Variants in TSHZ2 observed in about 807,000 individuals in gnomAD.
TSHZ2 encodes the protein teashirt zinc finger homeobox 2.
TSHZ2 carries 21 observed loss-of-function variants against 74.4 expected under a neutral mutation model. That is an observed-to-expected ratio of 0.28 (90% CI 0.20 to 0.41). TSHZ2 has a LOEUF of 0.41. Ranked by LOEUF, TSHZ2 falls within the 10% of genes least tolerant of loss-of-function variation. The pLI, the probability that TSHZ2 is intolerant of heterozygous loss-of-function variation, is 1.00. For synonymous variants in TSHZ2, 540 were observed against 515.3 expected (o/e 1.05, Z -0.65); for missense variants, 1,244 against 1,293.5 (o/e 0.96, Z 0.59).
intron 1 of TSHZ2, among the ~76,000 whole-genome samples, chr20:53,108,642 G>A (rs960637086): frequency 6.6e-6 from 1 of 152,170 alleles, no homozygotes; most frequent in Non-Finnish European, 1.5e-5. Flanking sequence ...AGGATTGGAT[G>A]CATATTTGAG....
Position 53,342,955 on chromosome 20 carries a change from C to CTTTTTTTTTTTTTTTTT in TSHZ2, c.*8+86397_*8+86413dup. 9.6e-4 allele frequency among the ~76,000 whole-genome samples: 59 copies of CTTTTTTTTTTTTTTTTT among 61,238 alleles called. 8 individuals carry two copies. The highest frequency in any genetic ancestry group is 1.1e-3 in the Non-Finnish European group (37 of 33,420). The allele number at this position is 61,238 out of a possible 152,430, so 40.2% of individuals were successfully genotyped here. A position where few individuals can be genotyped will look rare whatever the true frequency, so the allele number is the denominator to read the frequency against. On this transcript the variant is annotated intron_variant, in intron 2 of 2. Transcript: ENST00000371497. ...TATTTCTTTTCTTTTCTTTTCTTTT[C>CTTTTTTTTTTTTTTTTT]TTTTTTTTTTTTTTTTTTTTTTTTT...
At chr20:53,300,523 T>C (rs966040997) in intron 2 of TSHZ2, among the ~76,000 whole-genome samples, 1 of 152,254 alleles carries the variant, frequency 6.6e-6, no homozygotes, top group Non-Finnish European at 1.5e-5. Context: ...CTCCTTCTTC[T>C]CTCTCCTGTT....
Position 53,197,313 on chromosome 20 carries a change from T to A in TSHZ2, c.41-56186T>A, listed in dbSNP as rs116277144. On this transcript the variant is annotated intron_variant, in intron 1 of 2. Transcript: ENST00000371497. ...AGCAATGGAATTATGATCTTTTAATTTTTAAAAAAATTTTGATTCTCAACG... is the reference window on the plus strand; with the variant it reads ...AGCAATGGAATTATGATCTTTTAATATTTAAAAAAATTTTGATTCTCAACG... Among the ~76,000 whole-genome samples, 1,260 of 152,338 alleles carry A rather than the reference T, an allele frequency of 8.3e-3. 18 individuals are homozygous for A. Among genetic ancestry groups the A allele is most frequent in the African/African-American group, 0.029 (1,209 of 41,568 alleles).
intron 1 of TSHZ2, among the ~76,000 whole-genome samples, chr20:53,050,146 T>TATATACACATATATATGTAC (rs1568736379): frequency 5.2e-5 from 5 of 96,940 alleles, no homozygotes; most frequent in African/African-American, 1.6e-4. Flanking sequence ...TATGTGTATA[T>TATATACACATATATATGTAC]ATATATACAC....
chr20:53,135,693 T>G (rs1481082177), intron 1 of TSHZ2, among the ~76,000 whole-genome samples: 1 of 152,166 alleles, frequency 6.6e-6, no homozygotes, highest in Non-Finnish European at 1.5e-5. Context: ...CTTGACCTCC[T>G]GGGCTCAAGG....
intron 1 of TSHZ2, among the ~76,000 whole-genome samples, chr20:53,227,781 T>A (rs959363483): frequency 6.6e-6 from 1 of 152,198 alleles, no homozygotes; most frequent in African/African-American, 2.4e-5. Flanking sequence ...CTGATGTTAG[T>A]TGAACTTGAA....
chr20:53,373,799 T>G (rs1436837778), intron 2 of TSHZ2, among the ~76,000 whole-genome samples: 2 of 152,130 alleles, frequency 1.3e-5, no homozygotes, highest in East Asian at 3.8e-4. Context: ...AGGATCTGAG[T>G]GGGCTTCAGA....
chr20:53,024,702 T>C (rs2123043224), intron 1 of TSHZ2, among the ~76,000 whole-genome samples: 1 of 152,236 alleles, frequency 6.6e-6, no homozygotes, highest in South Asian at 2.1e-4. Flanking sequence ...TGTGTCCATG[T>C]GTTCTCATTG....
At chr20:53,274,619 G>C (rs904526062) in intron 2 of TSHZ2, among the ~76,000 whole-genome samples, 14 of 152,268 alleles carry the variant, frequency 9.2e-5, no homozygotes, top group African/African-American at 3.1e-4. Flanking sequence ...TCAGATGACA[G>C]TAAATTTGCA....
chr20:53,358,460 C>G (rs552463401), intron 2 of TSHZ2, among the ~76,000 whole-genome samples: 1 of 151,302 alleles, frequency 6.6e-6, no homozygotes, highest in Non-Finnish European at 1.5e-5. Context: ...CGTGCCTCAG[C>G]CTCCCCAGTA....
intron 1 of TSHZ2, among the ~76,000 whole-genome samples, chr20:53,111,469 C>T (rs544148674): frequency 1.3e-5 from 2 of 152,242 alleles, no homozygotes; most frequent in South Asian, 2.1e-4. Flanking sequence ...AAAGCAGCCA[C>T]CCTTTGAAAC....
intron 1 of TSHZ2, among the ~76,000 whole-genome samples, chr20:53,027,803 A>G (rs986375955): frequency 3.9e-5 from 6 of 152,164 alleles, no homozygotes; most frequent in Non-Finnish European, 7.4e-5. Flanking sequence ...CTTGAAACCC[A>G]TACTATTGAG....
intron 1 of TSHZ2, among the ~76,000 whole-genome samples, chr20:53,054,812 G>A (rs954025880): frequency 2.1e-4 from 32 of 152,136 alleles, no homozygotes; most frequent in African/African-American, 7.2e-4. Flanking sequence ...CATGGGCTAT[G>A]GGCACTATAC....
intron 2 of TSHZ2, among the ~76,000 whole-genome samples, chr20:53,409,995 TGCTACCACACCTG>T (rs958604691): frequency 3.3e-5 from 5 of 151,848 alleles, no homozygotes; most frequent in African/African-American, 1.2e-4. Context: ...TACAGGTGCA[TGCTACCACACCTG>T]GCTAATTTTT....
rs1454328158 is a variant in TSHZ2 at position 53,190,127 on chromosome 20, ATATATATATATT to A, written c.41-63370_41-63359del. On this transcript the variant is annotated intron_variant, in intron 1 of 2. Transcript: ENST00000371497. Reference sequence around the variant, plus strand: ...TATATATATATATATATATATATATATATATATATATTTTCTTAAATGCCTCTGTTTCTTTTT... The same window carrying A: ...TATATATATATATATATATATATATATTCTTAAATGCCTCTGTTTCTTTTT... Among the ~76,000 whole-genome samples the A allele has an allele frequency of 8.9e-3, 804 of 90,618 alleles. 42 individuals are homozygous for A. Among genetic ancestry groups the A allele is most frequent in the East Asian group, 0.071 (169 of 2,370 alleles). 59.4% of individuals were successfully genotyped at this position (90,618 alleles called of 152,430 possible). A position where few individuals can be genotyped will look rare whatever the true frequency, so the allele number is the denominator to read the frequency against.
At chr20:53,449,431 C>G (rs1055273781) in intron 2 of TSHZ2, among the ~76,000 whole-genome samples, 1 of 152,236 alleles carries the variant, frequency 6.6e-6, no homozygotes. Context: ...GAGGCACCCA[C>G]TATGTGTCAG....
chr20:53,174,076 A>T lies in TSHZ2; in HGVS notation c.41-79423A>T, dbSNP rs148833291. 3.7e-3 allele frequency among the ~76,000 whole-genome samples: 561 copies of T among 152,266 alleles called. 3 individuals are homozygous for T. Among genetic ancestry groups the T allele is most frequent in the African/African-American group, 0.013 (539 of 41,544 alleles). ...AGAGGAAGGGGAAATGGAGAGGAAG[A>T]GACATCTCAGGATGCTGGAGTGACC... On this transcript the variant is annotated intron_variant, in intron 1 of 2. Coordinates refer to ENST00000371497, the MANE Select transcript of TSHZ2 (RefSeq NM_173485.6).
intron 1 of TSHZ2, among the ~76,000 whole-genome samples, chr20:53,114,924 C>A (rs1376773555): frequency 6.6e-6 from 1 of 152,094 alleles, no homozygotes; most frequent in Admixed American, 6.5e-5. Flanking sequence ...GAGGGTGGAC[C>A]TGAGAGGCAG....
intron 1 of TSHZ2, among the ~76,000 whole-genome samples, chr20:53,123,866 T>C (rs145968373): frequency 5.1e-4 from 77 of 152,340 alleles, no homozygotes; most frequent in African/African-American, 1.8e-3. Context: ...ACTGGACTCC[T>C]AAGTGCATGA....
Sources: allele counts gnomAD v4.1 joint callset (sites outside exome capture counted in the v4.1 genomes callset), GRCh38; gene constraint gnomAD v4.1.1; transcripts MANE v1.5; gene names NCBI Gene and HGNC (gene_info 2026-07-23, HGNC 2026-07-21).